The following IARS1 variants were observed in gnomAD, a reference collection of about 807,000 sequenced individuals.
IARS1 encodes the protein isoleucyl-tRNA synthetase 1.
IARS1 carries 124 observed loss-of-function variants against 168.2 expected under a neutral mutation model. The observed-to-expected ratio is 0.74, with a 90% confidence interval of 0.64 to 0.86. The LOEUF is 0.86. Among genes scored for constraint, IARS1 ranks in the 40% least tolerant of loss-of-function variants. The pLI is 0.00. For synonymous variants in IARS1, 532 were observed against 529.4 expected (o/e 1.00, Z -0.07); for missense variants, 1,452 against 1,515.8 (o/e 0.96, Z 0.70).
At chr9:92,278,778 C>A (rs1834112653) in intron 7 of IARS1, among the ~76,000 whole-genome samples, 1 of 152,176 alleles carries the variant, frequency 6.6e-6, no homozygotes, top group Non-Finnish European at 1.5e-5. Context: ...ACTTAATATA[C>A]TGTCAACATA....
At chr9:92,215,978 A>G (rs1161261103) in intron 33 of IARS1, among the ~76,000 whole-genome samples, 1 of 150,774 alleles carries the variant, frequency 6.6e-6, no homozygotes, top group Non-Finnish European at 1.5e-5. Flanking sequence ...TGTCAGATTC[A>G]CCAAAGTTGA....
Position 92,222,594 on chromosome 9 carries a change from A to G in IARS1, c.3632T>C (p.Leu1211Pro). The G allele has an allele frequency of 6.2e-7, 1 of 1,614,130 alleles. No individual in the cohort carries two copies. The highest frequency in any genetic ancestry group is 8.5e-7 in the Non-Finnish European group (1 of 1,180,014). The change falls in exon 33 of 34, where the codon CTG becomes CCG. Residue 1211 changes from leucine to proline, a missense_variant. By Grantham distance (98) the Leu-to-Pro change is moderately conservative (BLOSUM62 -3). Coordinates refer to ENST00000443024, the MANE Select transcript of IARS1 (RefSeq NM_002161.6). ...GQNGLTHQGL[L>P]YEAAKVFGLR... ...GCCAAACACCTTGGCTGCTTCATAC[A>G]GAAGACCTTGGTGGGTGAGTCCATT...
At chr9:92,257,948 G>C (rs993327430) in intron 19 of IARS1, among the ~76,000 whole-genome samples, 1 of 152,168 alleles carries the variant, frequency 6.6e-6, no homozygotes, top group Admixed American at 6.5e-5. Context: ...CATGGAAGGT[G>C]GCTCTAGAGC....
chr9:92,248,316 G>C (rs1829515496), intron 25 of IARS1, among the ~76,000 whole-genome samples: 1 of 152,136 alleles, frequency 6.6e-6, no homozygotes, highest in Non-Finnish European at 1.5e-5. Context: ...AATACGGAAT[G>C]TTTAGTTTTG....
chr9:92,277,848 G>T lies in IARS1; in HGVS notation c.894+15C>A, dbSNP rs79227574. 3.7e-6 allele frequency: 6 copies of T among 1,609,830 alleles called. No homozygotes were observed. The highest frequency in any genetic ancestry group is 5.1e-6 in the Non-Finnish European group (6 of 1,176,952). On this transcript the variant is annotated intron_variant, in intron 9 of 33. Transcript: ENST00000443024. Reference sequence around the variant, plus strand: ...GATTGTGGAGAGCGCCCACAGTAGCGGTCCCTAAGCTTACCTTCAGGAAAT... The same window carrying T: ...GATTGTGGAGAGCGCCCACAGTAGCTGTCCCTAAGCTTACCTTCAGGAAAT...
chr9:92,211,098 C>G (rs1261155151), intron 33 of IARS1, among the ~76,000 whole-genome samples: 1 of 152,136 alleles, frequency 6.6e-6, no homozygotes, highest in Non-Finnish European at 1.5e-5. Flanking sequence ...TTCACCAAAC[C>G]TGACAGTTGT....
chr9:92,223,474 G>A lies in IARS1; in HGVS notation c.3425C>T (p.Thr1142Ile), dbSNP rs1395707451. ...TTTTCCACTAAGACTCAGTAAGTCA[G>A]TTTGGTTTTGTATTTCTAAAAATAA... ...FHDETEIQNQ[T>I]DLLSLSGKTL... The change falls in exon 32 of 34, where the codon ACT becomes ATT. Residue 1142 changes from threonine (T) to isoleucine (I), a missense_variant. Thr to Ile is a moderately conservative substitution (Grantham distance 89, BLOSUM62 -1). Transcript: ENST00000443024. 3 of 1,611,618 alleles carry A rather than the reference G, an allele frequency of 1.9e-6. No homozygotes were observed. The highest frequency in any genetic ancestry group is 4.5e-5 in the East Asian group (2 of 44,880).
intron 33 of IARS1, among the ~76,000 whole-genome samples, chr9:92,220,104 T>C (rs1211932647): frequency 6.8e-6 from 1 of 148,138 alleles, no homozygotes; most frequent in Admixed American, 6.7e-5. Flanking sequence ...AATGATGAGT[T>C]CATGTCCTTT....
chr9:92,217,097 C>T (rs1169854617), intron 33 of IARS1, among the ~76,000 whole-genome samples: 3 of 149,274 alleles, frequency 2.0e-5, no homozygotes, highest in Non-Finnish European at 4.5e-5. Context: ...TGCAATCAAA[C>T]TAGAACTCAG....
chr9:92,269,103 A>C (rs1832683987), intron 13 of IARS1, among the ~76,000 whole-genome samples: 1 of 152,246 alleles, frequency 6.6e-6, no homozygotes, highest in Middle Eastern at 3.4e-3. Flanking sequence ...AGGGGAACTA[A>C]TTAGCTTACT....
chr9:92,243,203 C>G lies in IARS1; in HGVS notation c.3000+13G>C. ...AGCCAAAACAGTAGCTTATTCTTAA[C>G]TGACAAACTAACCTTTTTGCGAAGT... On this transcript the variant is annotated intron_variant, in intron 28 of 33. Transcript: ENST00000443024. The G allele has an allele frequency of 6.2e-7, 1 of 1,604,706 alleles. No individual in the cohort carries two copies. The highest frequency in any genetic ancestry group is 8.5e-7 in the Non-Finnish European group (1 of 1,171,760).
At chr9:92,269,473 A>C (rs1227241047) in intron 13 of IARS1, among the ~76,000 whole-genome samples, 1 of 152,210 alleles carries the variant, frequency 6.6e-6, no homozygotes, top group Non-Finnish European at 1.5e-5. Context: ...CACAGGGTAC[A>C]TCATCCACTG....
intron 7 of IARS1, among the ~76,000 whole-genome samples, chr9:92,278,721 T>C (rs1172983488): frequency 1.3e-5 from 2 of 152,202 alleles, no homozygotes; most frequent in Non-Finnish European, 2.9e-5. Context: ...TAAGTTCTTT[T>C]TATTTTTCTA....
At chr9:92,220,163 C>G (rs1392434103) in intron 33 of IARS1, among the ~76,000 whole-genome samples, 2 of 148,046 alleles carry the variant, frequency 1.4e-5, no homozygotes, top group South Asian at 4.4e-4. Flanking sequence ...TAAACTATCG[C>G]AAGAACAAAA....
intron 28 of IARS1, 145 bp from the exon 29 acceptor site, chr9:92,242,475 G>C: frequency 3.2e-6 from 2 of 627,852 alleles, no homozygotes; most frequent in South Asian, 2.0e-5. Flanking sequence ...TGGGTGATCC[G>C]TAAGACTAAC....
chr9:92,264,866 T>G, intron 16 of IARS1, 63 bp downstream of exon 16: 1 of 1,417,330 alleles, frequency 7.1e-7, no homozygotes, highest in South Asian at 1.4e-5. Flanking sequence ...AGTGACTTAG[T>G]AAAATACTCC....
intron 1 of IARS1, among the ~76,000 whole-genome samples, chr9:92,291,982 A>AT (rs1265805525): frequency 1.3e-5 from 2 of 151,970 alleles, no homozygotes; most frequent in South Asian, 2.1e-4. Flanking sequence ...TTTTGAGAAA[A>AT]TAAGATTTAA....
chr9:92,242,486 T>C (rs984390030), intron 28 of IARS1, 156 bp from the exon 29 acceptor site: 2 of 608,578 alleles, frequency 3.3e-6, no homozygotes, highest in Admixed American at 6.0e-5. Context: ...TAAGACTAAC[T>C]GCACTCAGTA....
intron 33 of IARS1, among the ~76,000 whole-genome samples, chr9:92,217,186 C>T (rs1838858717): frequency 1.3e-5 from 2 of 151,836 alleles, no homozygotes; most frequent in Non-Finnish European, 2.9e-5. Context: ...GGGTACATAA[C>T]AAAATGAAGG....
Sources: allele counts gnomAD v4.1 joint callset (sites outside exome capture counted in the v4.1 genomes callset), GRCh38; gene constraint gnomAD v4.1.1; transcripts MANE v1.5; gene names NCBI Gene and HGNC (gene_info 2026-07-23, HGNC 2026-07-21).